Variants in MMP16 observed in about 807,000 individuals in gnomAD.
The protein encoded by MMP16 is matrix metalloproteinase-16.
In MMP16, 12 loss-of-function variants were observed where a neutral mutation model predicts 67.8. The ratio of observed to expected loss-of-function variants is 0.18; its 90% confidence interval spans 0.11 to 0.29. MMP16 has a LOEUF of 0.29. Among genes scored for constraint, MMP16 ranks in the 10% least tolerant of loss-of-function variants. The probability of loss-of-function intolerance (pLI) is 1.00; values close to 1 mark genes in which losing one functional copy is unlikely to be tolerated. For synonymous variants in MMP16, 249 were observed against 255.9 expected (o/e 0.97, Z 0.26); for missense variants, 475 against 765.7 (o/e 0.62, Z 4.48).
At chr8:88,063,969 CT>C (rs2118247116) in intron 7 of MMP16, among the ~76,000 whole-genome samples, 1 of 152,130 alleles carries the variant, frequency 6.6e-6, no homozygotes, top group East Asian at 1.9e-4. Flanking sequence ...AAAAAATCAA[CT>C]GTATTTTTGT....
rs370218817 is a variant in MMP16 at position 88,173,620 on chromosome 8, A to T, written c.405-5647T>A. ...GGAAAGCAGACAATTGCTAAGAATA[A>T]AAGAAGATAAACATAATATAGTTAA... On this transcript the variant is annotated intron_variant, in intron 3 of 9. Transcript: ENST00000286614. Among the ~76,000 whole-genome samples, 8 of 152,318 alleles carry T rather than the reference A, an allele frequency of 5.3e-5. No individual in the cohort carries two copies. The East Asian group carries it at 1.3e-3, about 26-fold the overall frequency.
intron 1 of MMP16, among the ~76,000 whole-genome samples, chr8:88,271,208 A>G (rs898812485): frequency 6.6e-6 from 1 of 152,198 alleles, no homozygotes; most frequent in African/African-American, 2.4e-5. Context: ...AACTGATGGG[A>G]AATAGACAGT....
At chr8:88,173,903 GTTGT>G (rs1229989988) in intron 3 of MMP16, among the ~76,000 whole-genome samples, 1 of 152,172 alleles carries the variant, frequency 6.6e-6, no homozygotes, top group African/African-American at 2.4e-5. Flanking sequence ...TACATTGGGT[GTTGT>G]TTAAGTGGGT....
intron 4 of MMP16, among the ~76,000 whole-genome samples, chr8:88,151,722 A>C (rs1808410981): frequency 6.6e-6 from 1 of 151,846 alleles, no homozygotes; most frequent in Non-Finnish European, 1.5e-5. Context: ...CAGTGTGTAG[A>C]GGGAAATTTA....
chr8:88,155,334 T>C (rs1339567522), intron 4 of MMP16, among the ~76,000 whole-genome samples: 3 of 152,084 alleles, frequency 2.0e-5, no homozygotes, highest in Non-Finnish European at 4.4e-5. Context: ...GAAATTTGCA[T>C]AGTAGGGGTA....
chr8:88,070,146 T>C (rs1808527395), intron 7 of MMP16, among the ~76,000 whole-genome samples: 1 of 152,172 alleles, frequency 6.6e-6, no homozygotes, highest in African/African-American at 2.4e-5. Context: ...ACAGACCTGA[T>C]ATAAACATCT....
In MMP16 at chr8:88,041,196, G is replaced by A; in HGVS notation, c.*265C>T. On this transcript the variant is annotated 3_prime_UTR_variant, in exon 10 of 10. Transcript: ENST00000286614. The surrounding 1 kb of genome is among the most constrained non-coding windows in gnomAD (Gnocchi z 6.0). ...TAATCCTGAAATTTTACTGGGCATT[G>A]AGCGTGCAGAGGAAAGGCCTAGAAC... is the stretch of plus-strand genomic sequence containing the variant. The A allele has an allele frequency of 2.9e-6, 1 of 339,520 alleles. No individual in the cohort carries two copies. The highest frequency in any genetic ancestry group is 4.5e-5 in the Admixed American group (1 of 22,318). 21.0% of individuals were successfully genotyped at this position (339,520 alleles called of 1,614,324 possible). A position where few individuals can be genotyped will look rare whatever the true frequency, so the allele number is the denominator to read the frequency against.
chr8:88,149,310 G>A (rs1038914837), intron 4 of MMP16, among the ~76,000 whole-genome samples: 2 of 152,216 alleles, frequency 1.3e-5, no homozygotes, highest in African/African-American at 4.8e-5. Flanking sequence ...GCCCAGGCTT[G>A]CTTAGGTAAA....
intron 4 of MMP16, among the ~76,000 whole-genome samples, chr8:88,122,389 C>T (rs1807854639): frequency 6.6e-6 from 1 of 151,966 alleles, no homozygotes; most frequent in Non-Finnish European, 1.5e-5. Context: ...AATTCTGTCC[C>T]TCTACATCTG....
At chr8:88,204,420 T>A (rs1240703380) in intron 1 of MMP16, among the ~76,000 whole-genome samples, 1 of 152,074 alleles carries the variant, frequency 6.6e-6, no homozygotes, top group African/African-American at 2.4e-5. Flanking sequence ...AATAAACTGA[T>A]CTTGAAATTG....
chr8:88,312,255 C>T (rs1811306420), intron 1 of MMP16, among the ~76,000 whole-genome samples: 3 of 152,208 alleles, frequency 2.0e-5, no homozygotes, highest in Non-Finnish European at 4.4e-5. Flanking sequence ...CAGAGTCAGA[C>T]ATGGCCCAAA....
intron 1 of MMP16, among the ~76,000 whole-genome samples, chr8:88,266,800 A>G (rs980323665): frequency 1.3e-5 from 2 of 152,318 alleles, no homozygotes; most frequent in Non-Finnish European, 2.9e-5. Context: ...ACATATTGCA[A>G]TCTTCCTCTA....
chr8:88,302,343 C>T (rs1057038416), intron 1 of MMP16, among the ~76,000 whole-genome samples: 4 of 152,202 alleles, frequency 2.6e-5, no homozygotes, highest in Admixed American at 2.6e-4. Flanking sequence ...AAAATTATTG[C>T]TTAAGGCCAA....
At chr8:88,249,869 C>T (rs28904595) in intron 1 of MMP16, among the ~76,000 whole-genome samples, 5,091 of 152,080 alleles carry the variant, frequency 0.033, 224 homozygotes, top group African/African-American at 0.1. Flanking sequence ...GCAAGAGGGC[C>T]CAACTGGGAA....
chr8:88,078,150 C>T (rs2118297388), intron 6 of MMP16, among the ~76,000 whole-genome samples: 1 of 151,972 alleles, frequency 6.6e-6, no homozygotes, highest in Admixed American at 6.6e-5. Context: ...TTTGGTTTGG[C>T]CCTTATAGAA....
chr8:88,230,720 T>C (rs1809846352), intron 1 of MMP16, among the ~76,000 whole-genome samples: 1 of 152,130 alleles, frequency 6.6e-6, no homozygotes, highest in Non-Finnish European at 1.5e-5. Context: ...AAAGCAACAT[T>C]ACTACCTTCT....
At chr8:88,110,871 CT>C (rs1809323373) in intron 6 of MMP16, among the ~76,000 whole-genome samples, 1 of 151,602 alleles carries the variant, frequency 6.6e-6, no homozygotes, top group South Asian at 2.1e-4. Flanking sequence ...AATGCTAAGT[CT>C]GCTTTGCTAC....
Position 88,074,633 on chromosome 8 carries a change from AT to A in MMP16, c.1193del (p.Asn398IlefsTer30). The A allele has an allele frequency of 6.2e-7, 1 of 1,613,476 alleles. No homozygotes were observed. Among genetic ancestry groups the A allele is most frequent in the Non-Finnish European group, 8.5e-7 (1 of 1,179,674 alleles). Reference protein sequence around the residue: ...LPPSIDAVYENSDGNFVFFKG... With the variant: ...LPPSIDAVYEXSDGNFVFFKG... ...TAAAGAACACAAAATTCCCGTCGCT[AT>A]TTTCATAAACTGCATCGATACTAGG... On this transcript the variant is annotated frameshift_variant, in exon 7 of 10. Coordinates refer to ENST00000286614, the MANE Select transcript of MMP16 (RefSeq NM_005941.5). LOFTEE classifies it high-confidence loss of function.
intron 7 of MMP16, among the ~76,000 whole-genome samples, chr8:88,068,741 A>T (rs1004340859): frequency 1.6e-4 from 24 of 151,964 alleles, no homozygotes; most frequent in African/African-American, 5.8e-4. Context: ...TTGCTCTATC[A>T]CCCAGGCTGG....
Sources: gnomAD v4.1 joint callset for allele counts (sites outside exome capture counted in the v4.1 genomes callset) on GRCh38, gnomAD v4.1.1 for gene constraint, Gnocchi (gnomAD v3.1) non-coding constraint, MANE v1.5 for transcripts, NCBI Gene and HGNC (gene_info 2026-07-23, HGNC 2026-07-21) for gene names.